Variants in NUP210L observed in about 807,000 individuals in gnomAD.
The protein encoded by NUP210L is nuclear pore membrane glycoprotein 210-like.
Under a neutral mutation model 208.5 loss-of-function variants are expected in NUP210L, and 74 were observed. The ratio of observed to expected loss-of-function variants is 0.35; its 90% confidence interval spans 0.29 to 0.43. The LOEUF (loss-of-function observed/expected upper bound fraction) is 0.43. Ranked by LOEUF, NUP210L falls within the 20% of genes least tolerant of loss-of-function variation. The pLI is 1.00. For synonymous variants in NUP210L, 780 were observed against 816.9 expected (o/e 0.95, Z 0.77); for missense variants, 1,843 against 2,289.4 (o/e 0.81, Z 3.98).
At chr1:154,023,176 C>A (rs753413499) in exon 31 of NUP210L, 1 of 1,613,980 alleles carries the variant, frequency 6.2e-7, no homozygotes, top group South Asian at 1.1e-5. Context: ...CTCTCCGATA[C>A]TATTATAAAA....
intron 38 of NUP210L, 148 bp from the exon 39 acceptor site, chr1:153,993,237 T>A: frequency 1.7e-6 from 1 of 590,262 alleles, no homozygotes; most frequent in Non-Finnish European, 2.9e-6. Flanking sequence ...TATCCCAATT[T>A]AACCCATTTT....
At chr1:154,094,144 G>A (rs765614361) in intron 15 of NUP210L, among the ~76,000 whole-genome samples, 19 of 152,112 alleles carry the variant, frequency 1.2e-4, no homozygotes, top group Non-Finnish European at 2.6e-4. Flanking sequence ...TTAGCCAGGC[G>A]TGGTGGCGTG....
At chr1:154,093,616 T>C (rs1189048558) in intron 15 of NUP210L, among the ~76,000 whole-genome samples, 1 of 152,126 alleles carries the variant, frequency 6.6e-6, no homozygotes, top group Non-Finnish European at 1.5e-5. Flanking sequence ...AGAACCTGTC[T>C]CTAAAATATA....
chr1:154,014,289 C>T (rs973407425), intron 33 of NUP210L, among the ~76,000 whole-genome samples: 1 of 152,066 alleles, frequency 6.6e-6, no homozygotes, highest in Non-Finnish European at 1.5e-5. Context: ...AATGAGGATT[C>T]GATGAAGTAC....
intron 15 of NUP210L, among the ~76,000 whole-genome samples, chr1:154,090,215 GA>G (rs61444934): frequency 0.013 from 1,887 of 140,380 alleles, 35 homozygotes; most frequent in African/African-American, 0.043. Flanking sequence ...CCTGTCTCAG[GA>G]AAAAAAAAAA....
chr1:154,042,299 C>T (rs1050362217), intron 27 of NUP210L, among the ~76,000 whole-genome samples: 1 of 152,106 alleles, frequency 6.6e-6, no homozygotes. Context: ...GACAGGGTTT[C>T]ACTCTGTTGC....
intron 22 of NUP210L, among the ~76,000 whole-genome samples, chr1:154,057,559 T>C (rs1292761716): frequency 1.3e-5 from 2 of 152,124 alleles, no homozygotes; most frequent in African/African-American, 2.4e-5. Flanking sequence ...TGTCTGCCTC[T>C]AAATATATTT....
intron 17 of NUP210L, among the ~76,000 whole-genome samples, chr1:154,063,685 G>A (rs75164063): frequency 0.014 from 2,126 of 152,098 alleles, 22 homozygotes; most frequent in Non-Finnish European, 0.02. Flanking sequence ...CACAAAATGG[G>A]GATAATAATA....
exon 11 of NUP210L, chr1:154,118,724 A>G: frequency 6.2e-7 from 1 of 1,607,392 alleles, no homozygotes; most frequent in South Asian, 1.1e-5. Context: ...AATGCCAGAA[A>G]TTTGGGTGTA....
intron 2 of NUP210L, among the ~76,000 whole-genome samples, chr1:154,150,487 G>A (rs897064741): frequency 2.0e-5 from 3 of 152,070 alleles, no homozygotes; most frequent in African/African-American, 4.8e-5. Flanking sequence ...CAGCACTTTG[G>A]GGGGCCAAGG....
At chr1:154,079,549 T>A (rs985206082) in intron 16 of NUP210L, 1 of 152,212 alleles carries the variant, frequency 6.6e-6, no homozygotes, top group Non-Finnish European at 1.5e-5. Flanking sequence ...TTTGTCCCCA[T>A]ATCTCAACTG....
chr1:154,100,861 G>T (rs1656435144), intron 13 of NUP210L, among the ~76,000 whole-genome samples: 1 of 151,640 alleles, frequency 6.6e-6, no homozygotes, highest in Middle Eastern at 3.2e-3. Flanking sequence ...GAAAATATAA[G>T]AATTTTAATA....
At chr1:154,021,142 A>G (rs1651535729) in intron 32 of NUP210L, among the ~76,000 whole-genome samples, 3 of 151,894 alleles carry the variant, frequency 2.0e-5, no homozygotes, top group Non-Finnish European at 2.9e-5. Context: ...GGGTTTCACC[A>G]TGTTGGCCAG....
intron 14 of NUP210L, among the ~76,000 whole-genome samples, chr1:154,097,912 C>A (rs1358443253): frequency 6.6e-6 from 1 of 152,200 alleles, no homozygotes; most frequent in Non-Finnish European, 1.5e-5. Flanking sequence ...CTGGTGGCAC[C>A]TTTGCCCAAG....
chr1:154,082,945 G>A (rs911572174), intron 16 of NUP210L, among the ~76,000 whole-genome samples: 2 of 151,878 alleles, frequency 1.3e-5, no homozygotes, highest in Non-Finnish European at 2.9e-5. Flanking sequence ...TGGCACATCA[G>A]AAGTTCTTCA....
rs532383495 is a variant in NUP210L, at chr1:154,135,757, T to C, written c.1009+57A>G. ...TAATAAATTATTTTACCAAAGAACA[T>C]GTCTAGGATGCTCAAGGAAGTGTAG... On this transcript the variant is annotated intron_variant, in intron 7 of 39. Coordinates refer to ENST00000368559, the Ensembl canonical transcript of NUP210L. 235 of 1,439,518 alleles carry C rather than the reference T, an allele frequency of 1.6e-4. No homozygotes were observed. The African/African-American group carries it at 2.8e-3, about 17-fold the overall frequency. 89.2% of individuals were successfully genotyped at this position (1,439,518 alleles called of 1,614,324 possible).
chr1:154,053,643 G>A (rs1232936465), intron 25 of NUP210L, among the ~76,000 whole-genome samples: 1 of 152,220 alleles, frequency 6.6e-6, no homozygotes, highest in East Asian at 1.9e-4. Flanking sequence ...TGTGCCTTAA[G>A]GACATGTTCC....
At chr1:154,083,456 C>T (rs1655457836) in intron 16 of NUP210L, among the ~76,000 whole-genome samples, 1 of 152,122 alleles carries the variant, frequency 6.6e-6, no homozygotes, top group African/African-American at 2.4e-5. Context: ...GTCAGGGGAA[C>T]CCCAACTAGA....
chr1:154,155,016 C>T, exon 1 of NUP210L: 1 of 1,611,788 alleles, frequency 6.2e-7, no homozygotes, highest in Non-Finnish European at 8.5e-7. Flanking sequence ...GAAGCCTCGG[C>T]GTCTTGATGA....
Sources: gnomAD v4.1 joint callset for allele counts (sites outside exome capture counted in the v4.1 genomes callset) on GRCh38, gnomAD v4.1.1 for gene constraint, MANE v1.5 for transcripts, NCBI Gene and HGNC (gene_info 2026-07-23, HGNC 2026-07-21) for gene names.